The following SRPK2 variants were observed in gnomAD, a reference collection of about 807,000 sequenced individuals.
SRPK2 encodes SRSF protein kinase 2, also known as SFRS protein kinase 2.
A neutral mutation model predicts 90.8 loss-of-function variants in SRPK2; 21 were observed. That is an observed-to-expected ratio of 0.23 (90% confidence interval 0.16 to 0.33). The LOEUF is 0.33. Ranked by LOEUF, SRPK2 falls within the 10% of genes least tolerant of loss-of-function variation. The probability of loss-of-function intolerance (pLI) is 1.00; values close to 1 mark genes in which losing one functional copy is unlikely to be tolerated. For synonymous variants in SRPK2, 288 were observed against 311.1 expected (o/e 0.93, Z 0.78); for missense variants, 620 against 869.0 (o/e 0.71, Z 3.60).
At chr7:105,278,039 C>T (rs1027529892) in intron 2 of SRPK2, among the ~76,000 whole-genome samples, 1 of 152,084 alleles carries the variant, frequency 6.6e-6, no homozygotes, top group African/African-American at 2.4e-5. Flanking sequence ...TGAGGCCAGG[C>T]GCGGTGGGGC....
chr7:105,363,572 G>A lies in SRPK2; in HGVS notation c.71+25076C>T, dbSNP rs529601213. Among the ~76,000 whole-genome samples, 292 of 152,248 alleles carry A rather than the reference G, an allele frequency of 1.9e-3. 1 individual carries two copies. The highest frequency in any genetic ancestry group is 6.6e-3 in the African/African-American group (273 of 41,556). On this transcript the variant is annotated intron_variant, in intron 2 of 15. Transcript: ENST00000393651. ...TGGAGAAATAGGAACACTTTTACACGGTTGGTGGGAGTGTAAATTAGTTCA... is the reference window on the plus strand; with the variant it reads ...TGGAGAAATAGGAACACTTTTACACAGTTGGTGGGAGTGTAAATTAGTTCA...
intron 3 of SRPK2, among the ~76,000 whole-genome samples, chr7:105,188,430 G>T (rs1793866829): frequency 6.6e-6 from 1 of 152,128 alleles, no homozygotes; most frequent in Non-Finnish European, 1.5e-5. Context: ...AAAATTATGT[G>T]AATATACTGA....
At chr7:105,348,128 G>A (rs1409607063) in intron 2 of SRPK2, among the ~76,000 whole-genome samples, 1 of 142,446 alleles carries the variant, frequency 7.0e-6, no homozygotes, top group African/African-American at 2.7e-5. Context: ...CCAGGCTGGA[G>A]TGCAATGGCG....
At chr7:105,392,600 A>G (rs1199885527), upstream of SRPK2, among the ~76,000 whole-genome samples, 33 of 150,748 alleles carry the variant, frequency 2.2e-4, no homozygotes, top group African/African-American at 7.6e-4. Flanking sequence ...TGTAACCTCC[A>G]CTTCCCAGGT....
chr7:105,362,566 T>C (rs923173756), intron 2 of SRPK2, among the ~76,000 whole-genome samples: 2 of 151,108 alleles, frequency 1.3e-5, no homozygotes, highest in South Asian at 2.1e-4. Context: ...GGAGAGGATG[T>C]GGAGAAATAG....
intron 2 of SRPK2, among the ~76,000 whole-genome samples, chr7:105,273,799 T>TG (rs1806145522): frequency 6.6e-6 from 1 of 152,216 alleles, no homozygotes; most frequent in Non-Finnish European, 1.5e-5. Context: ...TATCAGACAC[T>TG]GGTTGTTGAC....
chr7:105,280,767 G>A (rs1461797801), intron 2 of SRPK2, among the ~76,000 whole-genome samples: 1 of 150,592 alleles, frequency 6.6e-6, no homozygotes, highest in Non-Finnish European at 1.5e-5. Flanking sequence ...CTAACACAGT[G>A]AAACCCCGTC....
chr7:105,168,905 T>C (rs891067136), intron 4 of SRPK2, among the ~76,000 whole-genome samples: 2 of 151,990 alleles, frequency 1.3e-5, no homozygotes, highest in Non-Finnish European at 1.5e-5. Flanking sequence ...AGAAAAATAA[T>C]ATAATCCCAG....
chr7:105,394,144 TC>T (rs1218605662), upstream of SRPK2, among the ~76,000 whole-genome samples: 1 of 150,910 alleles, frequency 6.6e-6, no homozygotes, highest in Non-Finnish European at 1.5e-5. Context: ...TTTCTTTCTT[TC>T]TTTTTTTTTT....
At chr7:105,294,179 A>G (rs368585078) in intron 2 of SRPK2, among the ~76,000 whole-genome samples, 3 of 152,246 alleles carry the variant, frequency 2.0e-5, no homozygotes, top group Non-Finnish European at 4.4e-5. Context: ...CCAAAGTTCA[A>G]TGAATGGAAC....
chr7:105,186,442 C>T (rs890492648), intron 3 of SRPK2, among the ~76,000 whole-genome samples: 6 of 152,202 alleles, frequency 3.9e-5, no homozygotes, highest in African/African-American at 7.2e-5. Context: ...AAAGAACATG[C>T]AGTAGCTGAT....
intron 2 of SRPK2, among the ~76,000 whole-genome samples, chr7:105,228,817 C>T (rs946671032): frequency 6.6e-6 from 1 of 152,196 alleles, no homozygotes; most frequent in African/African-American, 2.4e-5. Context: ...CCCGTGTTGG[C>T]GCCTGGAGCA....
At chr7:105,309,412 T>C (rs1197290974) in intron 2 of SRPK2, among the ~76,000 whole-genome samples, 3 of 152,214 alleles carry the variant, frequency 2.0e-5, no homozygotes, top group African/African-American at 7.2e-5. Flanking sequence ...GTTATTCAGC[T>C]AAAGGCCTTG....
rs923315922 is a variant in SRPK2, at chr7:105,129,586, GC to G, written c.1753-2525del. On this transcript the variant is annotated intron_variant, in intron 13 of 15. Transcript: ENST00000393651. Reference sequence around the variant, plus strand: ...GATGGGGTTTTGCCATGTTGGCCAGGCTGGTCTCAAACTCCTGGCCTCAAGT... The same window carrying G: ...GATGGGGTTTTGCCATGTTGGCCAGGTGGTCTCAAACTCCTGGCCTCAAGT... 3.3e-4 allele frequency among the ~76,000 whole-genome samples: 50 copies of G among 151,984 alleles called. 2 individuals are homozygous for G. Among genetic ancestry groups the G allele is most frequent in the Non-Finnish European group, 5.9e-5 (4 of 67,984 alleles).
At chr7:105,325,240 G>C (rs1349040385) in intron 2 of SRPK2, among the ~76,000 whole-genome samples, 1 of 152,182 alleles carries the variant, frequency 6.6e-6, no homozygotes, top group Non-Finnish European at 1.5e-5. Flanking sequence ...TATGCTTTCA[G>C]AGAAGGGCTG....
chr7:105,306,698 T>C (rs1811185067), intron 2 of SRPK2: 1 of 339,280 alleles, frequency 2.9e-6, no homozygotes, highest in Non-Finnish European at 5.7e-6. Context: ...TATCTTTATC[T>C]GCAATCCATT....
chr7:105,281,211 C>G (rs574651322), intron 2 of SRPK2, among the ~76,000 whole-genome samples: 1 of 151,926 alleles, frequency 6.6e-6, no homozygotes, highest in East Asian at 2.0e-4. Context: ...ATTCTCCTGT[C>G]TCAGCCTCCC....
chr7:105,204,392 G>A (rs925904406), intron 2 of SRPK2, among the ~76,000 whole-genome samples: 9 of 151,732 alleles, frequency 5.9e-5, no homozygotes, highest in African/African-American at 1.7e-4. Flanking sequence ...TTCTGGAAGC[G>A]GTGTGTGTGT....
chr7:105,193,735 G>A (rs6971241), intron 3 of SRPK2, among the ~76,000 whole-genome samples: 126,595 of 152,086 alleles, frequency 0.83, 53,323 homozygotes, highest in Non-Finnish European at 0.88. Flanking sequence ...ATATTCTTCT[G>A]TATTTACAAA....
Sources: allele counts gnomAD v4.1 joint callset (sites outside exome capture counted in the v4.1 genomes callset), GRCh38; gene constraint gnomAD v4.1.1; transcripts MANE v1.5; gene names NCBI Gene and HGNC (gene_info 2026-07-23, HGNC 2026-07-21).